Variants in ZPBP observed in about 807,000 individuals in gnomAD.
The protein encoded by ZPBP is zona pellucida-binding protein 1.
Under a neutral mutation model 44.8 loss-of-function variants are expected in ZPBP, and 26 were observed. The ratio of observed to expected loss-of-function variants is 0.58; its 90% CI spans 0.43 to 0.81. ZPBP has a LOEUF of 0.81. Among genes scored for constraint, ZPBP ranks in the 30% least tolerant of loss-of-function variants. The pLI, the probability that ZPBP is intolerant of heterozygous loss-of-function variation, is 0.00. For missense variants in ZPBP, 409 were observed against 434.0 expected, an observed-to-expected ratio of 0.94 and a Z score of 0.51; for synonymous variants, 174 against 153.2, an observed-to-expected ratio of 1.14 and a Z score of -1.00.
At chr7:49,977,599 A>G (rs1417044643) in intron 7 of ZPBP, among the ~76,000 whole-genome samples, 1 of 152,214 alleles carries the variant, frequency 6.6e-6, no homozygotes, top group African/African-American at 2.4e-5. Flanking sequence ...TGTCATAAAG[A>G]AAGAACTCCC....
At chr7:50,037,336 G>T (rs1217714993) in intron 4 of ZPBP, among the ~76,000 whole-genome samples, 1 of 152,156 alleles carries the variant, frequency 6.6e-6, no homozygotes, top group African/African-American at 2.4e-5. Flanking sequence ...GAAGTCTATC[G>T]CATGTCAGTA....
intron 2 of ZPBP, among the ~76,000 whole-genome samples, chr7:49,870,861 C>T (rs2128723200): frequency 6.6e-6 from 1 of 152,326 alleles, no homozygotes; most frequent in African/African-American, 2.4e-5. Flanking sequence ...GTTCAAGAAA[C>T]CATCAACAAA....
chr7:49,846,791 TC>T (rs1562728449), downstream of ZPBP, among the ~76,000 whole-genome samples: 1 of 152,176 alleles, frequency 6.6e-6, no homozygotes, highest in Non-Finnish European at 1.5e-5. Flanking sequence ...ACATTTTCCC[TC>T]CTTTATACAT....
intron 6 of ZPBP, among the ~76,000 whole-genome samples, chr7:49,988,144 T>G (rs903883772): frequency 1.3e-5 from 2 of 152,224 alleles, no homozygotes; most frequent in Admixed American, 6.5e-5. Context: ...CTTAATGCAC[T>G]AATCTGCTCT....
At chr7:50,017,460 A>G (rs887230583) in intron 6 of ZPBP, among the ~76,000 whole-genome samples, 1 of 152,142 alleles carries the variant, frequency 6.6e-6, no homozygotes, top group Non-Finnish European at 1.5e-5. Flanking sequence ...GGTTCCTAAC[A>G]GGCCATGGAT....
intron 2 of ZPBP, among the ~76,000 whole-genome samples, chr7:49,853,054 G>A (rs572118980): frequency 1.2e-3 from 185 of 152,356 alleles, no homozygotes; most frequent in Non-Finnish European, 2.2e-3. Flanking sequence ...GGACAGAAGC[G>A]GAGGCCACAG....
chr7:49,942,322 AT>A, intron 7 of ZPBP: 1 of 218,236 alleles, frequency 4.6e-6, no homozygotes. Context: ...TCCCGCTTGT[AT>A]TTTTCACATT....
chr7:49,867,840 A>ATTT (rs140005386), intron 2 of ZPBP, among the ~76,000 whole-genome samples: 1 of 141,052 alleles, frequency 7.1e-6, no homozygotes, highest in Non-Finnish European at 1.6e-5. Context: ...TTATTATTTT[A>ATTT]TTTTATTTTT....
the ZPBP span, among the ~76,000 whole-genome samples, chr7:49,842,049 G>C: frequency 6.6e-6 from 1 of 152,032 alleles, no homozygotes; most frequent in Admixed American, 6.6e-5. Context: ...TGTATTTTTA[G>C]TAGAAACGAG....
intron 2 of ZPBP, among the ~76,000 whole-genome samples, chr7:49,886,263 T>C (rs1380826819): frequency 6.6e-6 from 1 of 152,210 alleles, no homozygotes; most frequent in African/African-American, 2.4e-5. Context: ...GAATCACTTT[T>C]AGTAAAAGTC....
chr7:49,884,950 C>G (rs1418292389), intron 2 of ZPBP, among the ~76,000 whole-genome samples: 2 of 151,898 alleles, frequency 1.3e-5, no homozygotes, highest in East Asian at 3.9e-4. Flanking sequence ...TAGTTTCTAA[C>G]AAGTCAAATA....
chr7:49,911,812 G>A (rs922996390), intron 1 of ZPBP, among the ~76,000 whole-genome samples: 12 of 151,660 alleles, frequency 7.9e-5, no homozygotes, highest in Non-Finnish European at 7.4e-5. Context: ...CAGGAGAATT[G>A]CCTGAATCCG....
chr7:49,992,099 G>A (rs1269025679), intron 6 of ZPBP, among the ~76,000 whole-genome samples: 2 of 152,142 alleles, frequency 1.3e-5, no homozygotes, highest in African/African-American at 4.8e-5. Flanking sequence ...TTCTTAGAGG[G>A]TGGTAGAGGC....
intron 5 of ZPBP, among the ~76,000 whole-genome samples, chr7:50,022,380 T>C (rs1799142103): frequency 6.6e-6 from 1 of 152,012 alleles, no homozygotes; most frequent in Non-Finnish European, 1.5e-5. Context: ...GACAATAGCA[T>C]AGAGAAGGAG....
At chr7:50,086,193 C>T (rs1365191719) in intron 2 of ZPBP, among the ~76,000 whole-genome samples, 10 of 152,124 alleles carry the variant, frequency 6.6e-5, no homozygotes, top group Non-Finnish European at 1.3e-4. Context: ...AACAAATACA[C>T]GATATCAGCA....
At chr7:50,077,073 G>C (rs1265245998) in intron 3 of ZPBP, among the ~76,000 whole-genome samples, 1 of 151,262 alleles carries the variant, frequency 6.6e-6, no homozygotes, top group East Asian at 1.9e-4. Flanking sequence ...GAAATAGAAT[G>C]GAGAACCCAG....
At chr7:49,860,747 T>C (rs1790614671) in intron 2 of ZPBP, among the ~76,000 whole-genome samples, 2 of 152,170 alleles carry the variant, frequency 1.3e-5, no homozygotes, top group Non-Finnish European at 2.9e-5. Flanking sequence ...AAAGATGTAA[T>C]TAAGTTAAAT....
chr7:50,060,113 A>G (rs1451355973), intron 3 of ZPBP, among the ~76,000 whole-genome samples: 5 of 152,158 alleles, frequency 3.3e-5, no homozygotes, highest in Non-Finnish European at 5.9e-5. Flanking sequence ...TGAAGTAGAC[A>G]TGGAGCGGCC....
At chr7:50,019,273 C>T (rs943197068) in intron 5 of ZPBP, among the ~76,000 whole-genome samples, 6 of 152,154 alleles carry the variant, frequency 3.9e-5, no homozygotes, top group Middle Eastern at 3.4e-3. Flanking sequence ...GCTATCCATT[C>T]GCTATTCTAC....
Sources: allele counts gnomAD v4.1 joint callset (sites outside exome capture counted in the v4.1 genomes callset), GRCh38; gene constraint gnomAD v4.1.1; transcripts MANE v1.5; gene names NCBI Gene and HGNC (gene_info 2026-07-23, HGNC 2026-07-21).